Variants in ADGRL2 observed in about 807,000 individuals in gnomAD.
The protein encoded by ADGRL2 is calcium-independent alpha-latrotoxin receptor 2.
Under a neutral mutation model 157.4 loss-of-function variants are expected in ADGRL2, and 44 were observed. That is an observed-to-expected ratio of 0.28 (90% confidence interval 0.22 to 0.36). The LOEUF (loss-of-function observed/expected upper bound fraction) is 0.36, where lower values mean the gene tolerates loss of function less well. Ranked by LOEUF, ADGRL2 falls within the 10% of genes least tolerant of loss-of-function variation. The probability of loss-of-function intolerance (pLI) is 1.00; values close to 1 mark genes in which losing one functional copy is unlikely to be tolerated. For synonymous variants in ADGRL2, 585 were observed against 624.7 expected (o/e 0.94, Z 0.95); for missense variants, 1,510 against 1,768.9 (o/e 0.85, Z 2.63).
chr1:81,928,511 T>C (rs1374533262), intron 3 of ADGRL2, among the ~76,000 whole-genome samples: 1 of 152,100 alleles, frequency 6.6e-6, no homozygotes, highest in Non-Finnish European at 1.5e-5. Context: ...CAGCTTCTTT[T>C]TTCTTTTATT....
chr1:81,968,638 A>G (rs777264129), intron 14 of ADGRL2, among the ~76,000 whole-genome samples: 2 of 152,220 alleles, frequency 1.3e-5, no homozygotes, highest in African/African-American at 2.4e-5. Context: ...CTTCTGGAAT[A>G]TGTCTCAGTA....
At chr1:81,907,295 T>G in intron 3 of ADGRL2, 65 bp downstream of exon 3, 1 of 1,407,548 alleles carries the variant, frequency 7.1e-7, no homozygotes, top group South Asian at 1.2e-5. Context: ...ATTATTACAG[T>G]TATTCCAAAG....
At chr1:81,891,853 T>A (rs534605537) in intron 2 of ADGRL2, among the ~76,000 whole-genome samples, 1 of 152,206 alleles carries the variant, frequency 6.6e-6, no homozygotes, top group African/African-American at 2.4e-5. Flanking sequence ...ATTTTCTTGT[T>A]AGTATTATTG....
intron 19 of ADGRL2, among the ~76,000 whole-genome samples, chr1:81,982,852 G>T (rs1399216071): frequency 6.6e-6 from 1 of 151,920 alleles, no homozygotes; most frequent in Non-Finnish European, 1.5e-5. Flanking sequence ...ACACTGGAAG[G>T]TATTATTTGG....
intron 1 of ADGRL2, among the ~76,000 whole-genome samples, chr1:81,331,749 T>A (rs1661283385): frequency 6.6e-6 from 1 of 152,108 alleles, no homozygotes; most frequent in Non-Finnish European, 1.5e-5. Flanking sequence ...GATTTATTGA[T>A]CATTTAATAA....
chr1:81,952,770 T>G (rs2149094756), intron 9 of ADGRL2, among the ~76,000 whole-genome samples: 1 of 152,200 alleles, frequency 6.6e-6, no homozygotes, highest in South Asian at 2.1e-4. Flanking sequence ...TTTTGTCTCT[T>G]TTTGTCAACA....
intron 1 of ADGRL2, among the ~76,000 whole-genome samples, chr1:81,752,154 G>A (rs984851091): frequency 2.0e-5 from 3 of 152,154 alleles, no homozygotes; most frequent in Admixed American, 6.6e-5. Context: ...CTTATAAAGA[G>A]AGAGATCCCA....
At chr1:81,939,732 G>A (rs1301265465) in intron 4 of ADGRL2, among the ~76,000 whole-genome samples, 1 of 151,226 alleles carries the variant, frequency 6.6e-6, no homozygotes, top group Non-Finnish European at 1.5e-5. Flanking sequence ...GTATATATTT[G>A]GCATGTGATA....
chr1:81,360,198 A>G (rs747172494), intron 1 of ADGRL2, among the ~76,000 whole-genome samples: 1 of 151,998 alleles, frequency 6.6e-6, no homozygotes, highest in Non-Finnish European at 1.5e-5. Context: ...GCCTATTTTA[A>G]TATTCCTTAA....
At chr1:81,707,404 C>A (rs1311885532) in intron 1 of ADGRL2, among the ~76,000 whole-genome samples, 1 of 152,026 alleles carries the variant, frequency 6.6e-6, no homozygotes, top group Non-Finnish European at 1.5e-5. Flanking sequence ...GTGAAAATTT[C>A]TTGTTTTGTG....
chr1:81,889,324 T>C (rs2151389016), intron 2 of ADGRL2, among the ~76,000 whole-genome samples: 1 of 152,346 alleles, frequency 6.6e-6, no homozygotes, highest in Middle Eastern at 3.4e-3. Flanking sequence ...GCTACTTCAG[T>C]GAACACATAG....
intron 2 of ADGRL2, among the ~76,000 whole-genome samples, chr1:81,779,560 G>C (rs894236894): frequency 5.9e-5 from 9 of 151,954 alleles, no homozygotes; most frequent in African/African-American, 1.7e-4. Flanking sequence ...AATTTTTATA[G>C]GTCTATTCTA....
chr1:81,936,620 TTA>T, intron 3 of ADGRL2, 106 bp from the exon 4 acceptor site: 1 of 561,812 alleles, frequency 1.8e-6, no homozygotes, highest in Non-Finnish European at 3.1e-6. Context: ...AATTTTTGTT[TTA>T]TGTTTCTGGT....
chr1:81,989,634 T>C, intron 23 of ADGRL2: 2 of 1,603,846 alleles, frequency 1.2e-6, no homozygotes, highest in Admixed American at 3.3e-5. Context: ...CAATAAATCA[T>C]TTTACTTTCT....
chr1:81,802,546 G>C (rs1232172816), intron 1 of ADGRL2, among the ~76,000 whole-genome samples: 2 of 152,154 alleles, frequency 1.3e-5, no homozygotes, highest in African/African-American at 2.4e-5. Flanking sequence ...AGGGGGTTAG[G>C]ATGAGGCTCC....
chr1:81,841,245 A>G lies in ADGRL2; in HGVS notation c.73+4188A>G, dbSNP rs188187876. ...GCCAGGTATAAATATGAGACATGCCAGAAACAGCTTTATGTATTTATTTTA... is the reference window on the plus strand; with the variant it reads ...GCCAGGTATAAATATGAGACATGCCGGAAACAGCTTTATGTATTTATTTTA... On this transcript the variant is annotated intron_variant, in intron 2 of 23. Coordinates refer to ENST00000686636, the MANE Select transcript of ADGRL2 (RefSeq NM_001366006.2). 3.8e-4 allele frequency among the ~76,000 whole-genome samples: 58 copies of G among 152,314 alleles called. 1 individual carries two copies. Among genetic ancestry groups the G allele is most frequent in the African/African-American group, 1.3e-3 (56 of 41,590 alleles).
Position 81,468,246 on chromosome 1 carries a change from G to A in ADGRL2, c.-248+23157G>A, listed in dbSNP as rs139620147. On this transcript the variant is annotated intron_variant, in intron 2 of 24. Coordinates refer to the ADGRL2 transcript ENST00000370721. ...TGATAATTGGCCACAAATAATTAGG[G>A]TAGTATCTTCACTGGTATAAATTAT... Among the ~76,000 whole-genome samples the A allele has an allele frequency of 1.7e-4, 26 of 152,252 alleles. No individual in the cohort carries two copies. The East Asian group carries it at 4.8e-3, about 28-fold the overall frequency.
intron 2 of ADGRL2, among the ~76,000 whole-genome samples, chr1:81,541,578 T>G (rs1436981821): frequency 1.3e-5 from 2 of 152,184 alleles, no homozygotes; most frequent in Non-Finnish European, 2.9e-5. Context: ...TATAAGAAAC[T>G]GATTAAATTT....
intron 2 of ADGRL2, among the ~76,000 whole-genome samples, chr1:81,527,064 A>T (rs2079475940): frequency 6.6e-6 from 1 of 152,236 alleles, no homozygotes; most frequent in Admixed American, 6.5e-5. Flanking sequence ...CAAAAGCAAA[A>T]TATAAAATCT....
Sources: gnomAD v4.1 joint callset for allele counts (sites outside exome capture counted in the v4.1 genomes callset) on GRCh38, gnomAD v4.1.1 for gene constraint, MANE v1.5 for transcripts, NCBI Gene and HGNC (gene_info 2026-07-23, HGNC 2026-07-21) for gene names.